ATP7B: variants seen among roughly 807,000 people sequenced by gnomAD.
ATP7B encodes the protein ATPase copper transporting beta.
ATP7B carries 113 observed loss-of-function variants against 118.9 expected under a neutral mutation model. That is an observed-to-expected ratio of 0.95 (90% CI 0.82 to 1.11). The LOEUF is 1.11. Ranked by LOEUF, ATP7B falls within the 50% of genes most tolerant of loss-of-function variation. The pLI, the probability that ATP7B is intolerant of heterozygous loss-of-function variation, is 0.00. For missense variants in ATP7B, 1,867 were observed against 1,871.4 expected, an observed-to-expected ratio of 1.00 and a Z score of 0.04; for synonymous variants, 777 against 727.4, an observed-to-expected ratio of 1.07 and a Z score of -1.10.
intron 13 of ATP7B, 85 bp from the exon 14 acceptor site, chr13:51,944,376 A>C (rs1208205233): frequency 6.5e-7 from 1 of 1,532,676 alleles, no homozygotes; most frequent in Non-Finnish European, 8.9e-7. Flanking sequence ...ACTTCACCCA[A>C]CCTGCCTCAG....
intron 1 of ATP7B, among the ~76,000 whole-genome samples, chr13:51,999,184 C>T (rs542457264): frequency 3.3e-5 from 5 of 152,300 alleles, no homozygotes; most frequent in African/African-American, 1.2e-4. Context: ...GAGCACAAGA[C>T]ACATACTGCC....
intron 2 of ATP7B, among the ~76,000 whole-genome samples, chr13:51,971,375 T>C (rs1189097189): frequency 6.6e-6 from 1 of 152,248 alleles, no homozygotes; most frequent in African/African-American, 2.4e-5. Flanking sequence ...TATATTTTTA[T>C]TTGCTAAGTC....
rs1483616454 is a variant in ATP7B at position 51,975,097 on chromosome 13, A to G, written c.123T>C (p.Asn41=). ...CATCCAGACCACCTTCATAGCCAAC[A>G]TTGTCAAAAGCAAAACTCTTCTTCA... ...PAMKKSFAFD[N]VGYEGGLDGL... The change falls in exon 2 of 21, where the codon AAT becomes AAC. Residue 41 remains asparagine, a synonymous_variant. Transcript: ENST00000242839. The G allele has an allele frequency of 1.9e-6, 3 of 1,614,244 alleles. No individual in the cohort carries two copies. Among genetic ancestry groups the G allele is most frequent in the South Asian group, 1.1e-5 (1 of 91,080 alleles).
At chr13:51,958,169 C>T in intron 8 of ATP7B, 142 bp downstream of exon 8, 1 of 960,552 alleles carries the variant, frequency 1.0e-6, no homozygotes, top group South Asian at 1.6e-5. Context: ...GACTAGAGCA[C>T]CTTAATTATA....
chr13:52,004,393 C>A (rs762133645), intron 1 of ATP7B, among the ~76,000 whole-genome samples: 29 of 152,232 alleles, frequency 1.9e-4, no homozygotes, highest in Non-Finnish European at 5.9e-5. Context: ...TGCATCCTAA[C>A]TTGTGTTAAC....
chr13:51,984,558 C>A (rs1952564291), intron 1 of ATP7B, among the ~76,000 whole-genome samples: 2 of 152,094 alleles, frequency 1.3e-5, no homozygotes, highest in South Asian at 4.1e-4. Flanking sequence ...TCAGGAAATA[C>A]AGAGAACACA....
rs1003452024 is a variant in ATP7B at position 51,934,376 on chromosome 13, G to A, written c.*380C>T. ...TGACAGTGAGGTCTGCAGTTCTCTGGAAAGGCCCAGTGAGGTTTTTTGGTC... is the reference window on the plus strand; with the variant it reads ...TGACAGTGAGGTCTGCAGTTCTCTGAAAAGGCCCAGTGAGGTTTTTTGGTC... On this transcript the variant is annotated 3_prime_UTR_variant, in exon 21 of 21. Transcript: ENST00000242839. 3 of 338,220 alleles carry A rather than the reference G, an allele frequency of 8.9e-6. No homozygotes were observed. The highest frequency in any genetic ancestry group is 1.7e-5 in the Non-Finnish European group (3 of 172,692). The allele number at this position is 338,220 out of a possible 1,614,324, so 21.0% of individuals were successfully genotyped here.
chr13:51,999,286 G>T (rs9535828), intron 1 of ATP7B, among the ~76,000 whole-genome samples: 2 of 151,886 alleles, frequency 1.3e-5, no homozygotes, highest in African/African-American at 4.8e-5. Flanking sequence ...TGCTGGGAGC[G>T]GGGGAGGGAA....
Position 51,933,763 on chromosome 13 carries a change from C to T in ATP7B, c.*993G>A, listed in dbSNP as rs1956815209. 6.6e-6 allele frequency: 1 copy of T among 152,230 alleles called. No homozygotes were observed. Among genetic ancestry groups the T allele is most frequent in the Non-Finnish European group, 1.5e-5 (1 of 68,070 alleles). The allele number at this position is 152,230 out of a possible 1,614,324, so 9.4% of individuals were successfully genotyped here. A position where few individuals can be genotyped will look rare whatever the true frequency, so the allele number is the denominator to read the frequency against. Reference sequence around the variant, plus strand: ...CTACTGAACCCCACGAGGTGACAGTCAGAAGACTGAAAACGAAGCCCCTTG... The same window carrying T: ...CTACTGAACCCCACGAGGTGACAGTTAGAAGACTGAAAACGAAGCCCCTTG... On this transcript the variant is annotated 3_prime_UTR_variant, in exon 21 of 21. Coordinates refer to ENST00000242839, the MANE Select transcript of ATP7B (RefSeq NM_000053.4).
At chr13:51,972,161 T>C (rs1023899869) in intron 2 of ATP7B, among the ~76,000 whole-genome samples, 4 of 152,168 alleles carry the variant, frequency 2.6e-5, no homozygotes, top group Non-Finnish European at 5.9e-5. Context: ...TCATCCTCTT[T>C]ATCCCTAATC....
Position 51,958,527 on chromosome 13 carries a change from G to A in ATP7B, c.2139C>T (p.Tyr713=). 1 of 1,614,190 alleles carries A rather than the reference G, an allele frequency of 6.2e-7. No homozygotes were observed. Among genetic ancestry groups the A allele is most frequent in the Non-Finnish European group, 8.5e-7 (1 of 1,180,028 alleles). ...CTFVQLLGGW[Y]FYVQAYKSLR... is the part of the protein sequence containing the mutation. Reference sequence around the variant, plus strand: ...GAGATTTGTAGGCCTGAACGTAGAAGTACCACCCACCGAGGAGCTGAAAGA... The same window carrying A: ...GAGATTTGTAGGCCTGAACGTAGAAATACCACCCACCGAGGAGCTGAAAGA... Residue 713 remains tyrosine (Y), a synonymous_variant, in exon 8 of 21, where the codon TAC becomes TAT. Coordinates refer to ENST00000242839, the MANE Select transcript of ATP7B (RefSeq NM_000053.4).
At chr13:52,006,580 C>A (rs932512037) in intron 1 of ATP7B, among the ~76,000 whole-genome samples, 2 of 152,206 alleles carry the variant, frequency 1.3e-5, no homozygotes, top group Admixed American at 1.3e-4. Flanking sequence ...TCTAGCTGGT[C>A]TCCCGCAGCT....
chr13:52,004,623 A>G (rs1420657490), intron 1 of ATP7B, among the ~76,000 whole-genome samples: 1 of 152,098 alleles, frequency 6.6e-6, no homozygotes, highest in African/African-American at 2.4e-5. Flanking sequence ...TTTTTCTCCA[A>G]TCTCATGACA....
At chr13:51,965,969 G>T (rs1279713268) in intron 4 of ATP7B, among the ~76,000 whole-genome samples, 5 of 152,322 alleles carry the variant, frequency 3.3e-5, no homozygotes, top group Middle Eastern at 3.4e-3. Flanking sequence ...CAATCAGAAT[G>T]CATTCAACTT....
Position 51,968,558 on chromosome 13 carries a change from C to T in ATP7B, c.1593G>A (p.Lys531=). 1.2e-6 allele frequency: 2 copies of T among 1,614,204 alleles called. No individual in the cohort carries two copies. Among genetic ancestry groups the T allele is most frequent in the Non-Finnish European group, 1.7e-6 (2 of 1,180,030 alleles). The change falls in exon 4 of 21, where the codon AAG becomes AAA. Residue 531 remains lysine (K), a synonymous_variant. Transcript: ENST00000242839. ...VALMAGKAEI[K]YDPEVIQPLE... ...GGGGCTGGATGACCTCTGGGTCATA[C>T]TTGATCTCTGCCTTTCCTGCCATCA...
At chr13:52,001,662 T>A (rs1313864942) in intron 1 of ATP7B, among the ~76,000 whole-genome samples, 1 of 152,162 alleles carries the variant, frequency 6.6e-6, no homozygotes, top group East Asian at 1.9e-4. Context: ...CAATTCCCTA[T>A]CATCCTTCCC....
chr13:51,942,879 A>G (rs915200077), intron 14 of ATP7B, among the ~76,000 whole-genome samples: 3 of 152,236 alleles, frequency 2.0e-5, no homozygotes, highest in African/African-American at 7.2e-5. Flanking sequence ...AAGGCAACTC[A>G]TATCAAACAC....
At chr13:51,940,434 A>C (rs1400487122) in intron 16 of ATP7B, among the ~76,000 whole-genome samples, 1 of 150,320 alleles carries the variant, frequency 6.7e-6, no homozygotes, top group Admixed American at 6.6e-5. Context: ...CAAGCAGATC[A>C]CCTGAGGTCA....
At chr13:52,008,868 GCTTT>G (rs1205821302) in intron 1 of ATP7B, among the ~76,000 whole-genome samples, 1 of 136,146 alleles carries the variant, frequency 7.3e-6, no homozygotes, top group African/African-American at 2.5e-5. Context: ...CCCTTATTCT[GCTTT>G]CTTTTCTTTT....
Sources: gnomAD v4.1 joint callset for allele counts (sites outside exome capture counted in the v4.1 genomes callset) on GRCh38, gnomAD v4.1.1 for gene constraint, MANE v1.5 for transcripts, NCBI Gene and HGNC (gene_info 2026-07-23, HGNC 2026-07-21) for gene names.